ZNF282: variants seen among roughly 807,000 people sequenced by gnomAD.
ZNF282 encodes zinc finger protein 282.
ZNF282 carries 30 observed loss-of-function variants against 61.9 expected under a neutral mutation model. The observed-to-expected ratio is 0.48, with a 90% CI of 0.36 to 0.66. The LOEUF (loss-of-function observed/expected upper bound fraction) is 0.66, where lower values mean the gene tolerates loss of function less well. Ranked by LOEUF, ZNF282 falls within the 30% of genes least tolerant of loss-of-function variation. The pLI, the probability that ZNF282 is intolerant of heterozygous loss-of-function variation, is 0.00. For synonymous variants in ZNF282, 396 were observed against 405.0 expected (o/e 0.98, Z 0.27); for missense variants, 788 against 941.4 (o/e 0.84, Z 2.13).
Position 149,207,463 on chromosome 7 carries a change from C to T in ZNF282, c.825C>T (p.Pro275=), listed in dbSNP as rs1443616613. The T allele has an allele frequency of 4.5e-6, 7 of 1,560,490 alleles. No individual in the cohort carries two copies. Among genetic ancestry groups the T allele is most frequent in the Non-Finnish European group, 5.2e-6 (6 of 1,151,422 alleles). The part of the protein sequence containing the change: ...HPEEREIPMD[P]EAGAEPLVPA... The stretch of plus-strand genomic sequence containing the variant: ...AAGAGAGAGAAATCCCAATGGATCC[C>T]GAAGCAGGTGATGGCAGCAGAAGAG... Residue 275 remains proline, a synonymous_variant, in exon 4 of 8, where the codon CCC becomes CCT. Transcript: ENST00000610704.
Position 149,224,562 on chromosome 7 carries a change from C to T in ZNF282, c.1931C>T (p.Ser644Leu), listed in dbSNP as rs1796330213. The change falls in exon 8 of 8, where the codon TCG becomes TTG. Residue 644 changes from serine (S) to leucine (L), a missense_variant. Transcript: ENST00000610704. ...ECGKSFRYKE[S>L]LKDHLRVHSG... Reference sequence around the variant, plus strand: ...GGCAAGAGCTTCCGCTACAAGGAGTCGCTCAAGGACCACCTGCGCGTGCAC... The same window carrying T: ...GGCAAGAGCTTCCGCTACAAGGAGTTGCTCAAGGACCACCTGCGCGTGCAC... The T allele has an allele frequency of 6.2e-7, 1 of 1,605,472 alleles. No homozygotes were observed. The highest frequency in any genetic ancestry group is 8.5e-7 in the Non-Finnish European group (1 of 1,178,346).
At chr7:149,214,783 T>C (rs1285188729) in intron 7 of ZNF282, among the ~76,000 whole-genome samples, 2 of 152,094 alleles carry the variant, frequency 1.3e-5, no homozygotes, top group Admixed American at 1.3e-4. Context: ...CAATGAGCCA[T>C]GCTTGCACCA....
chr7:149,204,124 T>C (rs777913444), intron 2 of ZNF282, among the ~76,000 whole-genome samples: 10 of 151,922 alleles, frequency 6.6e-5, no homozygotes, highest in Non-Finnish European at 1.2e-4. Flanking sequence ...CACGTACCTG[T>C]TGGTGGGAGG....
At chr7:149,217,995 C>T (rs1304157930) in intron 7 of ZNF282, among the ~76,000 whole-genome samples, 2 of 151,624 alleles carry the variant, frequency 1.3e-5, no homozygotes, top group Non-Finnish European at 2.9e-5. Context: ...GTAATCCCAG[C>T]TGCTCGGGAG....
Position 149,224,404 on chromosome 7 carries a change from C to A in ZNF282, c.1773C>A (p.Asn591Lys). 6.2e-7 allele frequency: 1 copy of A among 1,614,042 alleles called. No homozygotes were observed. The highest frequency in any genetic ancestry group is 1.1e-5 in the South Asian group (1 of 91,090). ...KTYSRKEHLQNHQRLHTGERP... is the reference protein window; with the variant it reads ...KTYSRKEHLQKHQRLHTGERP... ...ACAGCCGTAAGGAGCACCTGCAGAA[C>A]CACCAGCGGCTGCACACGGGCGAGC... Residue 591 changes from asparagine to lysine, a missense_variant, in exon 8 of 8, where the codon AAC becomes AAA. This residue lies in a region of ZNF282 where 559 missense variants were observed against 642.0 expected (regional missense o/e 0.87). Transcript: ENST00000610704.
Position 149,225,309 on chromosome 7 carries a change from C to CTCCTGGTCTCTCTTCCTT in ZNF282, c.*685_*702dup, listed in dbSNP as rs1027507856. The CTCCTGGTCTCTCTTCCTT allele has an allele frequency of 2.0e-5, 3 of 153,020 alleles. No homozygotes were observed. The highest frequency in any genetic ancestry group is 1.9e-4 in the East Asian group (1 of 5,180). 9.5% of individuals were successfully genotyped at this position (153,020 alleles called of 1,614,324 possible). Reference sequence around the variant, plus strand: ...TGCTCGGGAAGCTGCTGGCCTGGCCCTCCTGGTCTCTCTTCCTTTCCTGGT... The same window carrying CTCCTGGTCTCTCTTCCTT: ...TGCTCGGGAAGCTGCTGGCCTGGCCCTCCTGGTCTCTCTTCCTTTCCTGGTCTCTCTTCCTTTCCTGGT... On this transcript the variant is annotated 3_prime_UTR_variant, in exon 8 of 8. Coordinates refer to ENST00000610704, the MANE Select transcript of ZNF282 (RefSeq NM_003575.4).
In ZNF282 at chr7:149,198,539, G is replaced by C. The variant is rs758327150; in HGVS notation, c.372G>C (p.Gly124=). 3.2e-5 allele frequency: 51 copies of C among 1,614,128 alleles called. No homozygotes were observed. Among genetic ancestry groups the C allele is most frequent in the Non-Finnish European group, 4.2e-5 (50 of 1,180,056 alleles). The change falls in exon 2 of 8, where the codon GGG becomes GGC. Residue 124 remains glycine, a synonymous_variant. Coordinates refer to ENST00000610704, the MANE Select transcript of ZNF282 (RefSeq NM_003575.4). This position sits in a 1 kb window ranked among gnomAD's most constrained non-coding sequence, Gnocchi z 4.3. ...CCAGCCAGCTGCTGAACCTGGAGGG[G>C]CGCACGGGGACAGCCGAGAAGAAGC... ...AQASQLLNLE[G]RTGTAEKKLA...
At position 149,224,371 on chromosome 7, in the gene ZNF282, G is replaced by A; in HGVS notation, c.1740G>A (p.Glu580=). 8 of 1,613,818 alleles carry A rather than the reference G, an allele frequency of 5.0e-6. No homozygotes were observed. Among genetic ancestry groups the A allele is most frequent in the Non-Finnish European group, 6.8e-6 (8 of 1,179,936 alleles). Residue 580 remains glutamate (E), a synonymous_variant, in exon 8 of 8, where the codon GAG becomes GAA. Transcript: ENST00000610704. The part of the protein sequence containing the change: ...GERPYKCSEC[E]KTYSRKEHLQ... ...GGCCCTACAAGTGCTCGGAGTGCGA[G>A]AAGACCTACAGCCGTAAGGAGCACC...
intron 2 of ZNF282, among the ~76,000 whole-genome samples, chr7:149,199,379 TC>T (rs1337855702): frequency 6.6e-6 from 1 of 152,132 alleles, no homozygotes; most frequent in East Asian, 1.9e-4. Flanking sequence ...TTTCCCTTGT[TC>T]CTGTGGCTTG....
chr7:149,224,941 A>G lies in ZNF282; in HGVS notation c.*294A>G. The G allele has an allele frequency of 2.4e-6, 1 of 418,092 alleles. No homozygotes were observed. The highest frequency in any genetic ancestry group is 4.0e-5 in the Admixed American group (1 of 25,166). 25.9% of individuals were successfully genotyped at this position (418,092 alleles called of 1,614,324 possible). A position where few individuals can be genotyped will look rare whatever the true frequency, so the allele number is the denominator to read the frequency against. On this transcript the variant is annotated 3_prime_UTR_variant, in exon 8 of 8. Coordinates refer to ENST00000610704, the MANE Select transcript of ZNF282 (RefSeq NM_003575.4). Reference sequence around the variant, plus strand: ...TCGAGTGCCCTGGGACCACTGGGCCACAGATGGTCATCAGGGGAAGCCACC... The same window carrying G: ...TCGAGTGCCCTGGGACCACTGGGCCGCAGATGGTCATCAGGGGAAGCCACC...
intron 2 of ZNF282, among the ~76,000 whole-genome samples, chr7:149,205,718 G>C (rs1317756225): frequency 6.6e-6 from 1 of 152,250 alleles, no homozygotes; most frequent in Non-Finnish European, 1.5e-5. Context: ...ATGCTGAGTA[G>C]TGGTAGCTGT....
chr7:149,203,168 CCTTTT>C (rs1467523666), intron 2 of ZNF282, among the ~76,000 whole-genome samples: 1 of 152,188 alleles, frequency 6.6e-6, no homozygotes, highest in African/African-American at 2.4e-5. Context: ...TACACACTGC[CCTTTT>C]CTTTTGTCTG....
In ZNF282 at chr7:149,198,585, G is replaced by T; in HGVS notation, c.418G>T (p.Ala140Ser). The change falls in exon 2 of 8, where the codon GCC (alanine) becomes TCC (serine). Residue 140 changes from alanine (A) to serine (S), a missense_variant. Physicochemically the swap from Ala to Ser is moderately conservative, Grantham distance 99 (BLOSUM62 1). Transcript: ENST00000610704. The surrounding 1 kb of genome is among the most constrained non-coding windows in gnomAD (Gnocchi z 4.3). ...GAAGCTGGCCGACTGTGAAAAGACGGCCGTGGAATTTGGGAACCACATGGA... is the reference window on the plus strand; with the variant it reads ...GAAGCTGGCCGACTGTGAAAAGACGTCCGTGGAATTTGGGAACCACATGGA... ...EKKLADCEKT[A>S]VEFGNHMESK... The T allele has an allele frequency of 6.2e-7, 1 of 1,614,186 alleles. No individual in the cohort carries two copies.
At position 149,220,444 on chromosome 7, in the gene ZNF282, C is replaced by T. The variant is rs76896567; in HGVS notation, c.1181-3368C>T. On this transcript the variant is annotated intron_variant, in intron 7 of 7. Transcript: ENST00000610704. ...AAAAAAAAGAATAAAGAAATTTCTT[C>T]TCTTACGTAACTGGAAGTCCTAAGG... 3.7e-3 allele frequency among the ~76,000 whole-genome samples: 562 copies of T among 152,200 alleles called. 6 individuals are homozygous for T. Among genetic ancestry groups the T allele is most frequent in the African/African-American group, 0.013 (534 of 41,536 alleles).
rs2129523234 is a variant in ZNF282 at position 149,205,643 on chromosome 7, G to A, written c.586-1053G>A. Among the ~76,000 whole-genome samples the A allele has an allele frequency of 1.3e-5, 2 of 152,224 alleles. 1 individual carries two copies. The highest frequency in any genetic ancestry group is 4.2e-4 in the South Asian group (2 of 4,816). On this transcript the variant is annotated intron_variant, in intron 2 of 7. Transcript: ENST00000610704. The stretch of plus-strand genomic sequence containing the variant: ...ATCGCACCTGCGCATGGCATTCTCA[G>A]AGTTACAAGCACCTGGTAAAAGGGC...
chr7:149,220,802 G>C (rs555918106), intron 7 of ZNF282, among the ~76,000 whole-genome samples: 10 of 152,260 alleles, frequency 6.6e-5, no homozygotes, highest in East Asian at 3.9e-4. Context: ...GCATGGGTTG[G>C]GGGGGAGGGG....
rs1795847625 is a variant in ZNF282, at chr7:149,198,145, A to G, written c.166-188A>G. On this transcript the variant is annotated intron_variant, in intron 1 of 7. Transcript: ENST00000610704. This position sits in a 1 kb window ranked among gnomAD's most constrained non-coding sequence, Gnocchi z 4.3. ...GACTCACCTAGGCAGGAGATGGGAG[A>G]GTGTTGAGTTGGGTGGGTGGGTGAG... Among the ~76,000 whole-genome samples the G allele has an allele frequency of 6.6e-6, 1 of 150,694 alleles. No individual in the cohort carries two copies. The highest frequency in any genetic ancestry group is 1.5e-5 in the Non-Finnish European group (1 of 67,780).
In ZNF282 at chr7:149,223,733, C is replaced by T. The variant is rs941809908; in HGVS notation, c.1181-79C>T. The T allele has an allele frequency of 3.7e-6, 5 of 1,363,414 alleles. No homozygotes were observed. In the African/African-American group the frequency reaches 7.6e-5, roughly 21 times the overall value. The allele number at this position is 1,363,414 out of a possible 1,614,324, so 84.5% of individuals were successfully genotyped here. A position where few individuals can be genotyped will look rare whatever the true frequency, so the allele number is the denominator to read the frequency against. Reference sequence around the variant, plus strand: ...GAACTGAGGCTCAGATAGCATGCTCCCTGGGCCCCCCTTCGGGAGCAGTGT... The same window carrying T: ...GAACTGAGGCTCAGATAGCATGCTCTCTGGGCCCCCCTTCGGGAGCAGTGT... On this transcript the variant is annotated intron_variant, in intron 7 of 7. Coordinates refer to ENST00000610704, the MANE Select transcript of ZNF282 (RefSeq NM_003575.4).
chr7:149,199,377 G>A (rs1190981627), intron 2 of ZNF282, among the ~76,000 whole-genome samples: 1 of 152,104 alleles, frequency 6.6e-6, no homozygotes, highest in East Asian at 1.9e-4. Context: ...GCTTTCCCTT[G>A]TTCCTGTGGC....
Sources: allele counts gnomAD v4.1 joint callset (sites outside exome capture counted in the v4.1 genomes callset), GRCh38; gene constraint gnomAD v4.1.1; regional missense constraint gnomAD v4.1.1; non-coding constraint Gnocchi (gnomAD v3.1); transcripts MANE v1.5; gene names NCBI Gene and HGNC (gene_info 2026-07-23, HGNC 2026-07-21).